ADGRE1: variants seen among roughly 807,000 people sequenced by gnomAD.
ADGRE1 encodes the protein EGF-like module receptor 1.
Under a neutral mutation model 102.7 loss-of-function variants are expected in ADGRE1, and 82 were observed. That is an observed-to-expected ratio of 0.80 (90% CI 0.67 to 0.96). The LOEUF (loss-of-function observed/expected upper bound fraction) is 0.96, where lower values mean the gene tolerates loss of function less well. Among genes scored for constraint, ADGRE1 ranks in the 40% least tolerant of loss-of-function variants. The pLI is 0.00. For synonymous variants in ADGRE1, 398 were observed against 399.6 expected (o/e 1.00, Z 0.05); for missense variants, 1,032 against 1,085.3 (o/e 0.95, Z 0.69).
chr19:6,919,887 A>G lies in ADGRE1; in HGVS notation c.1620+140A>G, dbSNP rs1974569900. ...AATTTCCAGCAATTCAAGCCAATTA[A>G]CAGAAGCTACCGCTAGAGGAATGAG... On this transcript the variant is annotated intron_variant, in intron 13 of 20. Coordinates refer to ENST00000312053, the MANE Select transcript of ADGRE1 (RefSeq NM_001974.5). 8 of 755,900 alleles carry G rather than the reference A, an allele frequency of 1.1e-5. No individual in the cohort carries two copies. The South Asian group carries it at 1.5e-4, about 14-fold the overall frequency. The allele number at this position is 755,900 out of a possible 1,614,324, so 46.8% of individuals were successfully genotyped here. A position where few individuals can be genotyped will look rare whatever the true frequency, so the allele number is the denominator to read the frequency against.
At chr19:6,904,390 C>T (rs922695693) in intron 8 of ADGRE1, among the ~76,000 whole-genome samples, 25 of 152,076 alleles carry the variant, frequency 1.6e-4, no homozygotes, top group Non-Finnish European at 2.6e-4. Flanking sequence ...CTGCAGTAGG[C>T]ACTGAAGATT....
chr19:6,915,258 C>T (rs184876151), intron 11 of ADGRE1, among the ~76,000 whole-genome samples: 2 of 152,242 alleles, frequency 1.3e-5, no homozygotes, highest in African/African-American at 2.4e-5. Context: ...TCCTCCTGCT[C>T]GGCCTCCCAA....
At chr19:6,895,802 T>C (rs1568336308) in intron 2 of ADGRE1, 1 of 152,290 alleles carries the variant, frequency 6.6e-6, no homozygotes, top group East Asian at 1.9e-4. Context: ...GAGATGCTTA[T>C]GTGGCTGACT....
chr19:6,895,181 G>T (rs1344124374), intron 2 of ADGRE1: 4 of 152,200 alleles, frequency 2.6e-5, no homozygotes, highest in Admixed American at 6.6e-5. Flanking sequence ...ACCCCAGTCT[G>T]TCCATCTTCC....
chr19:6,938,325 G>A (rs1187941295), intron 20 of ADGRE1, among the ~76,000 whole-genome samples: 3 of 141,354 alleles, frequency 2.1e-5, no homozygotes, highest in Non-Finnish European at 4.6e-5. Context: ...CAAAAAGAGC[G>A]AAACTCCATC....
chr19:6,910,876 A>G (rs1311872157), intron 10 of ADGRE1, among the ~76,000 whole-genome samples: 1 of 152,080 alleles, frequency 6.6e-6, no homozygotes, highest in East Asian at 1.9e-4. Flanking sequence ...CCCAGCCCCA[A>G]CTCTTTAAAT....
At chr19:6,914,563 C>T (rs1180828988) in intron 11 of ADGRE1, among the ~76,000 whole-genome samples, 1 of 152,154 alleles carries the variant, frequency 6.6e-6, no homozygotes, top group Non-Finnish European at 1.5e-5. Context: ...TTCACATAAA[C>T]CTACGAAGTT....
rs542580161 is a variant in ADGRE1 at position 6,908,778 on chromosome 19, G to A, written c.1122+6G>A. 19 of 1,601,300 alleles carry A rather than the reference G, an allele frequency of 1.2e-5. No homozygotes were observed. Among genetic ancestry groups the A allele is most frequent in the South Asian group, 5.7e-5 (5 of 88,176 alleles). ...CGACCGTAGTTTCTCTGAAGGTAAC[G>A]ATTGGGTCTTTTAAATTGTGTTTTG... is the stretch of plus-strand genomic sequence containing the variant. On this transcript the variant is annotated splice_donor_region_variant and intron_variant, in intron 10 of 20. Coordinates refer to ENST00000312053, the MANE Select transcript of ADGRE1 (RefSeq NM_001974.5).
At position 6,935,052 on chromosome 19, in the gene ADGRE1, C is replaced by T. The variant is rs1456023864; in HGVS notation, c.2355C>T (p.Ala785=). 2.7e-5 allele frequency: 43 copies of T among 1,601,298 alleles called. No homozygotes were observed. The highest frequency in any genetic ancestry group is 4.0e-5 in the African/African-American group (3 of 74,114). Residue 785 remains alanine, a synonymous_variant, in exon 18 of 21, where the codon GCC becomes GCT. Transcript: ENST00000312053. ...GGCAGAGGCTTTCCAGTGTTAATGC[C>T]GAAGTCTCAACGCTAAAAGACACCA... The part of the protein sequence containing the change: ...ILRQRLSSVN[A]EVSTLKDTRL...
At chr19:6,926,141 G>A (rs145685865) in intron 15 of ADGRE1, among the ~76,000 whole-genome samples, 4 of 152,274 alleles carry the variant, frequency 2.6e-5, no homozygotes, top group Non-Finnish European at 4.4e-5. Context: ...AAAGTCATGC[G>A]TCTTGGGAAA....
chr19:6,901,234 G>C (rs953820325), intron 5 of ADGRE1, among the ~76,000 whole-genome samples: 1 of 152,236 alleles, frequency 6.6e-6, no homozygotes, highest in Admixed American at 6.5e-5. Context: ...GTCCTCAGCT[G>C]TATTGTTACA....
intron 13 of ADGRE1, among the ~76,000 whole-genome samples, chr19:6,920,738 G>C (rs529497595): frequency 1.3e-4 from 20 of 150,312 alleles, no homozygotes; most frequent in African/African-American, 4.4e-4. Context: ...TGGAACTCCT[G>C]AGCTTAGGTG....
At chr19:6,887,730 G>A (rs1360138505) in intron 1 of ADGRE1, 91 bp downstream of exon 1, 1 of 1,377,598 alleles carries the variant, frequency 7.3e-7, no homozygotes, top group East Asian at 2.4e-5. Context: ...GTCCAGCCAA[G>A]AGATCATAAG....
chr19:6,920,913 C>G (rs1409358423), intron 13 of ADGRE1, among the ~76,000 whole-genome samples: 2 of 152,144 alleles, frequency 1.3e-5, no homozygotes, highest in Non-Finnish European at 2.9e-5. Context: ...ACTATGATCT[C>G]TTTTTGGGGG....
At chr19:6,939,885 C>T in intron 20 of ADGRE1, 139 bp from the exon 21 acceptor site, 1 of 1,021,132 alleles carries the variant, frequency 9.8e-7, no homozygotes, top group Non-Finnish European at 1.5e-6. Context: ...GGGACAATCG[C>T]ATTTAACATT....
At chr19:6,927,317 C>T (rs553482476) in intron 16 of ADGRE1, among the ~76,000 whole-genome samples, 2 of 150,292 alleles carry the variant, frequency 1.3e-5, no homozygotes, top group South Asian at 4.3e-4. Flanking sequence ...CCCTTCCTCC[C>T]TCCCTTCTTT....
At chr19:6,903,973 A>T in intron 7 of ADGRE1, 23 bp downstream of exon 7, 1 of 1,614,136 alleles carries the variant, frequency 6.2e-7, no homozygotes, top group South Asian at 1.1e-5. Flanking sequence ...TTTGATGGAC[A>T]ATCCAGAAAA....
intron 6 of ADGRE1, among the ~76,000 whole-genome samples, 174 bp from the exon 7 acceptor site, chr19:6,903,636 C>T (rs1463076862): frequency 6.6e-6 from 1 of 152,154 alleles, no homozygotes; most frequent in Non-Finnish European, 1.5e-5. Flanking sequence ...TCTCATATTC[C>T]ATGAGTGAAA....
chr19:6,909,339 A>G (rs1974086612), intron 10 of ADGRE1, among the ~76,000 whole-genome samples: 5 of 152,124 alleles, frequency 3.3e-5, no homozygotes, highest in Admixed American at 3.3e-4. Context: ...AATTATCTCC[A>G]AACATTCCCT....
Sources: allele counts gnomAD v4.1 joint callset (sites outside exome capture counted in the v4.1 genomes callset), GRCh38; gene constraint gnomAD v4.1.1; transcripts MANE v1.5; gene names NCBI Gene and HGNC (gene_info 2026-07-23, HGNC 2026-07-21).